The following ABCD2 variants were observed in gnomAD, a reference collection of about 807,000 sequenced individuals.
ABCD2 encodes ATP binding cassette subfamily D member 2.
ABCD2 carries 36 observed loss-of-function variants against 70.9 expected under a neutral mutation model. That is an observed-to-expected ratio of 0.51 (90% confidence interval 0.39 to 0.67). The LOEUF is 0.67. Among genes scored for constraint, ABCD2 ranks in the 30% least tolerant of loss-of-function variants. The probability of loss-of-function intolerance (pLI) is 0.00; values close to 1 mark genes in which losing one functional copy is unlikely to be tolerated. For synonymous variants in ABCD2, 304 were observed against 306.9 expected, an observed-to-expected ratio of 0.99 and a Z score of 0.10; for missense variants, 729 against 890.2, an observed-to-expected ratio of 0.82 and a Z score of 2.30.
At chr12:39,589,426 G>A (rs1333180091) in intron 6 of ABCD2, among the ~76,000 whole-genome samples, 5 of 134,508 alleles carry the variant, frequency 3.7e-5, no homozygotes, top group Admixed American at 8.3e-5. Flanking sequence ...TCGCTTTGTC[G>A]CCCAGGCTGG....
At chr12:39,610,261 A>G (rs910110976) in intron 2 of ABCD2, among the ~76,000 whole-genome samples, 1 of 152,162 alleles carries the variant, frequency 6.6e-6, no homozygotes, top group Non-Finnish European at 1.5e-5. Flanking sequence ...ATGTTTTACC[A>G]TAGTCCAATG....
At chr12:39,617,724 T>C (rs961368747) in intron 1 of ABCD2, among the ~76,000 whole-genome samples, 15 of 152,188 alleles carry the variant, frequency 9.9e-5, no homozygotes, top group African/African-American at 3.6e-4. Flanking sequence ...ATTTTTCAGG[T>C]TGCTACTGCT....
At chr12:39,555,340 G>A (rs983762954) in intron 9 of ABCD2, among the ~76,000 whole-genome samples, 11 of 152,070 alleles carry the variant, frequency 7.2e-5, no homozygotes, top group African/African-American at 2.4e-5. Context: ...TGATTTCAAC[G>A]CACAAAGGGT....
At chr12:39,590,029 T>C (rs753342968) in intron 6 of ABCD2, among the ~76,000 whole-genome samples, 108 of 152,332 alleles carry the variant, frequency 7.1e-4, no homozygotes, top group Middle Eastern at 3.4e-3. Flanking sequence ...AAATTCGGGA[T>C]GACATTTACT....
At chr12:39,535,182 C>A in the ABCD2 span, among the ~76,000 whole-genome samples, 1 of 152,108 alleles carries the variant, frequency 6.6e-6, no homozygotes, top group South Asian at 2.1e-4. Context: ...AGATCCAATC[C>A]ACTCTCCCTG....
rs756904045 is a variant in ABCD2 at position 39,619,543 on chromosome 12, A to C, written c.73T>G (p.Cys25Gly). Residue 25 changes from cysteine (C) to glycine (G), a missense_variant, in exon 1 of 10, where the codon TGC becomes GGC. Cys to Gly is a radical substitution (Grantham distance 159). Coordinates refer to ENST00000308666, the MANE Select transcript of ABCD2 (RefSeq NM_005164.4). ...AGAGCATATGCCGCAGCCACCAGGC[A>C]GGCAGCCCTCTTAGCAGCACTCGAT... ...TRSSAAKRAACLVAAAYALKT... is the reference protein window; with the variant it reads ...TRSSAAKRAAGLVAAAYALKT... 18 of 1,611,688 alleles carry C rather than the reference A, an allele frequency of 1.1e-5. No individual in the cohort carries two copies. Among genetic ancestry groups the C allele is most frequent in the Middle Eastern group, 1.6e-4 (1 of 6,084 alleles).
At chr12:39,590,971 G>T (rs1430092989) in intron 6 of ABCD2, among the ~76,000 whole-genome samples, 2 of 151,918 alleles carry the variant, frequency 1.3e-5, no homozygotes, top group Admixed American at 6.6e-5. Context: ...GACATGAAAG[G>T]CCTATATGCA....
intron 6 of ABCD2, among the ~76,000 whole-genome samples, chr12:39,600,351 AT>A (rs1465804528): frequency 6.6e-6 from 1 of 152,152 alleles, no homozygotes; most frequent in Non-Finnish European, 1.5e-5. Flanking sequence ...TATTTATTCC[AT>A]CTAGACAGAT....
At chr12:39,588,585 T>C (rs576321578) in intron 6 of ABCD2, among the ~76,000 whole-genome samples, 1 of 152,316 alleles carries the variant, frequency 6.6e-6, no homozygotes, top group South Asian at 2.1e-4. Flanking sequence ...GCCAATACTT[T>C]GACTTCGGGT....
In ABCD2 at chr12:39,619,759, G is replaced by C; in HGVS notation, c.-144C>G. The C allele has an allele frequency of 1.4e-6, 1 of 723,918 alleles. No individual in the cohort carries two copies. Among genetic ancestry groups the C allele is most frequent in the Non-Finnish European group, 2.2e-6 (1 of 450,918 alleles). 44.8% of individuals were successfully genotyped at this position (723,918 alleles called of 1,614,324 possible). A position where few individuals can be genotyped will look rare whatever the true frequency, so the allele number is the denominator to read the frequency against. The stretch of plus-strand genomic sequence containing the variant: ...CTTCCACTGTTGTGTTTTTAATTTT[G>C]TTCTGCTGTGACAGATGCAGCAGAG... On this transcript the variant is annotated 5_prime_UTR_variant, in exon 1 of 10. Coordinates refer to ENST00000308666, the MANE Select transcript of ABCD2 (RefSeq NM_005164.4).
At chr12:39,604,314 C>T (rs1941941057) in intron 4 of ABCD2, among the ~76,000 whole-genome samples, 1 of 151,942 alleles carries the variant, frequency 6.6e-6, no homozygotes, top group Non-Finnish European at 1.5e-5. Flanking sequence ...TTTACTACTA[C>T]TCTATTTCCC....
intron 2 of ABCD2, among the ~76,000 whole-genome samples, chr12:39,612,739 A>G (rs1381463550): frequency 6.6e-6 from 1 of 152,226 alleles, no homozygotes; most frequent in African/African-American, 2.4e-5. Context: ...ATTGGCCCAC[A>G]ATATAAAATA....
chr12:39,611,439 T>C (rs771718960), intron 2 of ABCD2, among the ~76,000 whole-genome samples: 24 of 152,332 alleles, frequency 1.6e-4, no homozygotes, highest in African/African-American at 2.4e-4. Context: ...ATTCTTCTAC[T>C]TTTTTCAAGC....
chr12:39,617,700 T>G (rs553912125), intron 1 of ABCD2, among the ~76,000 whole-genome samples: 3 of 152,270 alleles, frequency 2.0e-5, no homozygotes, highest in East Asian at 3.9e-4. Context: ...ATTCCTAAAT[T>G]TACTTTAAAT....
intron 1 of ABCD2, 72 bp from the exon 2 acceptor site, chr12:39,617,240 T>C: frequency 1.0e-6 from 1 of 984,572 alleles, no homozygotes; most frequent in Non-Finnish European, 1.4e-6. Flanking sequence ...TTTTTTAGTA[T>C]GGCATTATCT....
At chr12:39,611,869 T>C (rs1447457259) in intron 2 of ABCD2, among the ~76,000 whole-genome samples, 1 of 152,004 alleles carries the variant, frequency 6.6e-6, no homozygotes, top group Non-Finnish European at 1.5e-5. Context: ...ACTCATTACA[T>C]AATACATAAA....
At chr12:39,590,137 A>T (rs913430957) in intron 6 of ABCD2, among the ~76,000 whole-genome samples, 1 of 152,194 alleles carries the variant, frequency 6.6e-6, no homozygotes, top group South Asian at 2.1e-4. Context: ...CTGGAATTTA[A>T]CATTTTGAGT....
chr12:39,549,616 A>G (rs1378062839), downstream of ABCD2, among the ~76,000 whole-genome samples: 1 of 151,950 alleles, frequency 6.6e-6, no homozygotes, highest in Admixed American at 6.6e-5. Flanking sequence ...AAAGTGTAAC[A>G]TAAGTTCCCT....
the ABCD2 span, among the ~76,000 whole-genome samples, chr12:39,542,075 AACAG>A: frequency 6.6e-6 from 1 of 152,176 alleles, no homozygotes; most frequent in Non-Finnish European, 1.5e-5. Flanking sequence ...GTGGTGGTTA[AACAG>A]GATTTGTGAT....
Sources: allele counts gnomAD v4.1 joint callset (sites outside exome capture counted in the v4.1 genomes callset), GRCh38; gene constraint gnomAD v4.1.1; transcripts MANE v1.5; gene names NCBI Gene and HGNC (gene_info 2026-07-23, HGNC 2026-07-21).